SLC47A1: variants seen among roughly 807,000 people sequenced by gnomAD.
SLC47A1 encodes solute carrier family 47 member 1.
In SLC47A1, 58 loss-of-function variants were observed where a neutral mutation model predicts 65.8. The observed-to-expected ratio is 0.88, with a 90% confidence interval of 0.71 to 1.10. The LOEUF (loss-of-function observed/expected upper bound fraction) is 1.10, where lower values mean the gene tolerates loss of function less well. Ranked by LOEUF, SLC47A1 falls within the 50% of genes least tolerant of loss-of-function variation. The pLI is 0.00. For synonymous variants in SLC47A1, 285 were observed against 295.0 expected, an observed-to-expected ratio of 0.97 and a Z score of 0.35; for missense variants, 706 against 719.2, an observed-to-expected ratio of 0.98 and a Z score of 0.21.
intron 12 of SLC47A1, among the ~76,000 whole-genome samples, chr17:19,561,310 C>T (rs2084308500): frequency 6.6e-6 from 1 of 151,612 alleles, no homozygotes; most frequent in African/African-American, 2.4e-5. Flanking sequence ...ATAGAGGCCA[C>T]CTATGGTTGT....
At chr17:19,560,544 T>A (rs369986417) in intron 12 of SLC47A1, 51 bp downstream of exon 12, 11 of 1,573,726 alleles carry the variant, frequency 7.0e-6, no homozygotes, top group Non-Finnish European at 9.6e-6. Context: ...AAGAAATGGT[T>A]CATTGAGAAA....
At chr17:19,572,389 G>T (rs150470623) in intron 15 of SLC47A1, among the ~76,000 whole-genome samples, 3 of 152,186 alleles carry the variant, frequency 2.0e-5, no homozygotes, top group African/African-American at 4.8e-5. Flanking sequence ...AACCTCCTGG[G>T]CTCAAGTGAT....
rs2084451057 is a variant in SLC47A1 at position 19,577,568 on chromosome 17, AAGTC to A, written c.*18_*21del. The A allele has an allele frequency of 6.2e-7, 1 of 1,613,510 alleles. No individual in the cohort carries two copies. Among genetic ancestry groups the A allele is most frequent in the Admixed American group, 1.7e-5 (1 of 59,984 alleles). On this transcript the variant is annotated 3_prime_UTR_variant, in exon 17 of 17. Transcript: ENST00000270570. The stretch of plus-strand genomic sequence containing the variant: ...GAATTCAGTGACGTGGTAGGAAAGA[AAGTC>A]AGGTCAAGTGATGCTTTTGAGCTTA...
At chr17:19,555,090 C>A (rs1339914554) in intron 6 of SLC47A1, 122 bp from the exon 7 acceptor site, 3 of 822,032 alleles carry the variant, frequency 3.6e-6, no homozygotes, top group Non-Finnish European at 6.3e-6. Flanking sequence ...CCCAGTTAAG[C>A]CCCCCAGCTA....
rs2084365828 is a variant in SLC47A1 at position 19,567,215 on chromosome 17, A to G, written c.1296A>G (p.Thr432=). Residue 432 remains threonine, a synonymous_variant, in exon 14 of 17, where the codon ACA becomes ACG. Coordinates refer to ENST00000270570, the MANE Select transcript of SLC47A1 (RefSeq NM_018242.3). The stretch of plus-strand genomic sequence containing the variant: ...GGATCGCGCTGATGTTTGCAACCAC[A>G]CTTGGAGTGATGGGTAAGCTCTAAC... ...PIGIALMFAT[T]LGVMGLWSGI... 1 of 1,614,176 alleles carries G rather than the reference A, an allele frequency of 6.2e-7. No homozygotes were observed. The highest frequency in any genetic ancestry group is 8.5e-7 in the Non-Finnish European group (1 of 1,180,032).
chr17:19,552,829 G>GGCGT (rs1916490094), intron 6 of SLC47A1, among the ~76,000 whole-genome samples: 1 of 152,298 alleles, frequency 6.6e-6, no homozygotes, highest in East Asian at 1.9e-4. Flanking sequence ...GGGATGCAGT[G>GGCGT]AGATGATGGC....
chr17:19,564,915 C>T (rs2084344531), intron 12 of SLC47A1, among the ~76,000 whole-genome samples: 1 of 152,098 alleles, frequency 6.6e-6, no homozygotes, highest in South Asian at 2.1e-4. Flanking sequence ...GATGGGAGTT[C>T]TCCATGTTGG....
chr17:19,564,783 C>T lies in SLC47A1; in HGVS notation c.1107-2007C>T, dbSNP rs559750356. ...TTGCCCAGGCTGGAGTGCAATGGCACGATCTCGGCTCATCGCAATCTCCGC... is the reference window on the plus strand; with the variant it reads ...TTGCCCAGGCTGGAGTGCAATGGCATGATCTCGGCTCATCGCAATCTCCGC... On this transcript the variant is annotated intron_variant, in intron 12 of 16. Transcript: ENST00000270570. 5.3e-5 allele frequency among the ~76,000 whole-genome samples: 8 copies of T among 151,980 alleles called. No homozygotes were observed. In the East Asian group the frequency reaches 9.7e-4, roughly 18 times the overall value.
chr17:19,556,701 GGTGCCTGCC>G (rs1916624245), intron 10 of SLC47A1, among the ~76,000 whole-genome samples: 1 of 151,988 alleles, frequency 6.6e-6, no homozygotes, highest in African/African-American at 2.4e-5. Context: ...TGAGATTACA[GGTGCCTGCC>G]ACCACGCCCA....
intron 16 of SLC47A1, among the ~76,000 whole-genome samples, chr17:19,576,378 GTCTC>G (rs1408919135): frequency 7.1e-6 from 1 of 141,370 alleles, no homozygotes; most frequent in Non-Finnish European, 1.5e-5. Flanking sequence ...TTGACACTGG[GTCTC>G]TCTCTGTCAC....
At position 19,560,133 on chromosome 17, in the gene SLC47A1, G is replaced by A. The variant is rs139998506; in HGVS notation, c.922-55G>A. Reference sequence around the variant, plus strand: ...GAGGCATGAGGCTGCTTCTCTGCACGTGTTCTCGCTCTGCAGTTTCTCACT... The same window carrying A: ...GAGGCATGAGGCTGCTTCTCTGCACATGTTCTCGCTCTGCAGTTTCTCACT... On this transcript the variant is annotated intron_variant, in intron 10 of 16. Transcript: ENST00000270570. The A allele has an allele frequency of 1.2e-3, 1,609 of 1,319,256 alleles. 14 individuals carry two copies. In the South Asian group the frequency reaches 0.014, roughly 12 times the overall value. 81.7% of individuals were successfully genotyped at this position (1,319,256 alleles called of 1,614,324 possible). A position where few individuals can be genotyped will look rare whatever the true frequency, so the allele number is the denominator to read the frequency against.
chr17:19,567,669 G>A (rs549269711), intron 14 of SLC47A1: 71 of 194,778 alleles, frequency 3.6e-4, no homozygotes, highest in African/African-American at 1.4e-3. Context: ...GCGGTCCTGC[G>A]TGCGTGGGGT....
intron 1 of SLC47A1, among the ~76,000 whole-genome samples, chr17:19,537,352 G>T (rs1430288352): frequency 6.6e-6 from 1 of 152,204 alleles, no homozygotes; most frequent in Non-Finnish European, 1.5e-5. Context: ...CTGATCTTTT[G>T]AATTGTATCC....
intron 1 of SLC47A1, among the ~76,000 whole-genome samples, chr17:19,538,550 G>A (rs1021722340): frequency 1.3e-5 from 2 of 152,270 alleles, no homozygotes; most frequent in African/African-American, 4.8e-5. Context: ...CCGTGGGGCA[G>A]GAATGGAGTA....
At chr17:19,548,845 C>G (rs1331140178) in intron 4 of SLC47A1, among the ~76,000 whole-genome samples, 1 of 152,132 alleles carries the variant, frequency 6.6e-6, no homozygotes, top group East Asian at 1.9e-4. Context: ...TTCAAAGCAC[C>G]CTAGGTGATT....
At chr17:19,552,344 G>A (rs1163354680) in intron 6 of SLC47A1, among the ~76,000 whole-genome samples, 1 of 152,156 alleles carries the variant, frequency 6.6e-6, no homozygotes, top group Admixed American at 6.5e-5. Flanking sequence ...CATCCGGCCA[G>A]GATATTACTC....
intron 14 of SLC47A1, among the ~76,000 whole-genome samples, chr17:19,568,577 C>T (rs1246100702): frequency 1.3e-5 from 2 of 152,000 alleles, no homozygotes; most frequent in Non-Finnish European, 1.5e-5. Flanking sequence ...TTATGGGGTA[C>T]AGTGTGGTGT....
At chr17:19,555,399 C>G in intron 7 of SLC47A1, 90 bp downstream of exon 7, 6 of 1,419,974 alleles carry the variant, frequency 4.2e-6, no homozygotes, top group Non-Finnish European at 6.0e-6. Context: ...TCAGCTGGTT[C>G]TTGTGTCCAT....
At chr17:19,569,146 T>G (rs1185004097) in intron 14 of SLC47A1, among the ~76,000 whole-genome samples, 1 of 151,422 alleles carries the variant, frequency 6.6e-6, no homozygotes, top group Non-Finnish European at 1.5e-5. Context: ...CTGAGGTGGG[T>G]GGTTCACTTG....
Sources: allele counts gnomAD v4.1 joint callset (sites outside exome capture counted in the v4.1 genomes callset), GRCh38; gene constraint gnomAD v4.1.1; transcripts MANE v1.5; gene names NCBI Gene and HGNC (gene_info 2026-07-23, HGNC 2026-07-21).